The following DCAF7 variants were observed in gnomAD, a reference collection of about 807,000 sequenced individuals.
DCAF7 encodes the protein DDB1 and CUL4 associated factor 7, also known as DDB1- and CUL4-associated factor 7.
A neutral mutation model predicts 41.2 loss-of-function variants in DCAF7; 4 were observed. The observed-to-expected ratio is 0.10, with a 90% CI of 0.05 to 0.22. DCAF7 has a LOEUF of 0.22. DCAF7 is among the 10% of genes least tolerant of loss of function. The pLI is 1.00. For synonymous variants in DCAF7, 143 were observed against 164.2 expected (o/e 0.87, Z 0.99); for missense variants, 131 against 443.2 (o/e 0.30, Z 6.32).
chr17:63,581,490 T>A (rs931398032), intron 4 of DCAF7, among the ~76,000 whole-genome samples: 1 of 152,174 alleles, frequency 6.6e-6, no homozygotes, highest in Admixed American at 6.5e-5. Flanking sequence ...GGGCTGGATT[T>A]ACCTGGCAGA....
At chr17:63,564,842 G>A (rs1289719120) in intron 1 of DCAF7, among the ~76,000 whole-genome samples, 1 of 152,220 alleles carries the variant, frequency 6.6e-6, no homozygotes, top group Non-Finnish European at 1.5e-5. Flanking sequence ...GAACTCCCAC[G>A]CTCAGTATTC....
intron 1 of DCAF7, among the ~76,000 whole-genome samples, chr17:63,562,010 CAAA>C (rs374021255): frequency 2.5e-5 from 2 of 81,504 alleles, no homozygotes; most frequent in African/African-American, 4.1e-5. Flanking sequence ...TGTCAATGTC[CAAA>C]AAAAAAAAAA....
chr17:63,557,331 G>A (rs1469011486), intron 1 of DCAF7, among the ~76,000 whole-genome samples: 4 of 151,988 alleles, frequency 2.6e-5, no homozygotes, highest in Non-Finnish European at 4.4e-5. Context: ...AATTATCACA[G>A]GATTAAAAGC....
At chr17:63,565,913 C>G (rs775612196) in intron 1 of DCAF7, among the ~76,000 whole-genome samples, 1 of 151,996 alleles carries the variant, frequency 6.6e-6, no homozygotes, top group Non-Finnish European at 1.5e-5. Context: ...CCAGCCTGAT[C>G]AACATGGCGA....
chr17:63,558,945 A>G (rs993854395), intron 1 of DCAF7, among the ~76,000 whole-genome samples: 1 of 152,172 alleles, frequency 6.6e-6, no homozygotes. Flanking sequence ...TGATGTATAA[A>G]CAGAGTCTAG....
At chr17:63,565,700 G>T (rs2033432922) in intron 1 of DCAF7, among the ~76,000 whole-genome samples, 1 of 152,220 alleles carries the variant, frequency 6.6e-6, no homozygotes, top group Admixed American at 6.5e-5. Flanking sequence ...AGGATTAAAT[G>T]AGATGATGTG....
At position 63,590,845 on chromosome 17, in the gene DCAF7, T is replaced by C. The variant is rs2033727034; in HGVS notation, c.*1673T>C. 6.6e-6 allele frequency: 1 copy of C among 152,228 alleles called. No homozygotes were observed. Among genetic ancestry groups the C allele is most frequent in the Non-Finnish European group, 1.5e-5 (1 of 68,044 alleles). The allele number at this position is 152,228 out of a possible 1,614,324, so 9.4% of individuals were successfully genotyped here. The stretch of plus-strand genomic sequence containing the variant: ...GGGCCCTTAAGCTTTTTTGGTTAAG[T>C]CTTCCTTTTCAGAAGTAGATGTCAT... On this transcript the variant is annotated 3_prime_UTR_variant, in exon 7 of 7. Coordinates refer to ENST00000614556, the MANE Select transcript of DCAF7 (RefSeq NM_005828.5).
chr17:63,583,846 G>A, intron 5 of DCAF7, 135 bp downstream of exon 5: 1 of 886,520 alleles, frequency 1.1e-6, no homozygotes, highest in Admixed American at 2.1e-5. Flanking sequence ...ATTTTTGATT[G>A]TCACAGCTCT....
At chr17:63,587,536 C>T (rs138888053) in intron 6 of DCAF7, among the ~76,000 whole-genome samples, 1,945 of 152,124 alleles carry the variant, frequency 0.013, 32 homozygotes, top group African/African-American at 0.043. Context: ...CAAGTGTGCT[C>T]GGTTGAGCAT....
At chr17:63,556,216 A>G (rs1375850255) in intron 1 of DCAF7, among the ~76,000 whole-genome samples, 1 of 152,248 alleles carries the variant, frequency 6.6e-6, no homozygotes, top group African/African-American at 2.4e-5. Flanking sequence ...AGCTTATTTT[A>G]AAAATTACAT....
intron 1 of DCAF7, among the ~76,000 whole-genome samples, chr17:63,551,236 C>T (rs1453665129): frequency 1.3e-5 from 2 of 151,958 alleles, no homozygotes; most frequent in South Asian, 4.1e-4. Context: ...TATTGGTGGT[C>T]GTGCACTCCT....
chr17:63,579,670 G>A (rs1203142782), intron 3 of DCAF7, among the ~76,000 whole-genome samples, 155 bp from the exon 4 acceptor site: 1 of 152,112 alleles, frequency 6.6e-6, no homozygotes, highest in African/African-American at 2.4e-5. Context: ...CTGAAGACTT[G>A]ACTGCCTCGG....
chr17:63,570,193 C>T (rs2033490273), intron 1 of DCAF7, among the ~76,000 whole-genome samples: 1 of 152,094 alleles, frequency 6.6e-6, no homozygotes, highest in Non-Finnish European at 1.5e-5. Flanking sequence ...ATGGCTCACA[C>T]CTCTAATCCC....
In DCAF7 at chr17:63,588,932, G is replaced by A. The variant is rs947840078; in HGVS notation, c.857-68G>A. On this transcript the variant is annotated intron_variant, in intron 6 of 6. Coordinates refer to ENST00000614556, the MANE Select transcript of DCAF7 (RefSeq NM_005828.5). ...GCTTTGTAAACTGTGACTTGCTCCT[G>A]AAATGCAGGGATCATCATCCGCATT... 5 of 1,503,638 alleles carry A rather than the reference G, an allele frequency of 3.3e-6. No individual in the cohort carries two copies. The African/African-American group carries it at 5.5e-5, about 17-fold the overall frequency. The allele number at this position is 1,503,638 out of a possible 1,614,324, so 93.1% of individuals were successfully genotyped here. A position where few individuals can be genotyped will look rare whatever the true frequency, so the allele number is the denominator to read the frequency against.
chr17:63,568,044 G>A (rs2033463425), intron 1 of DCAF7, among the ~76,000 whole-genome samples: 1 of 148,258 alleles, frequency 6.7e-6, no homozygotes, highest in Non-Finnish European at 1.5e-5. Flanking sequence ...TTTTTGAGAT[G>A]GAGTCTCGCT....
chr17:63,581,323 C>G (rs1472261677), intron 4 of DCAF7, among the ~76,000 whole-genome samples: 1 of 152,170 alleles, frequency 6.6e-6, no homozygotes, highest in Non-Finnish European at 1.5e-5. Flanking sequence ...ATTTGAACTG[C>G]AGGGATTTAA....
Position 63,550,917 on chromosome 17 carries a change from C to A in DCAF7, c.138+102C>A. 6.0e-6 allele frequency: 9 copies of A among 1,490,300 alleles called. No homozygotes were observed. In the South Asian group the frequency reaches 1.1e-4, roughly 19 times the overall value. 92.3% of individuals were successfully genotyped at this position (1,490,300 alleles called of 1,614,324 possible). On this transcript the variant is annotated intron_variant, in intron 1 of 6. Coordinates refer to ENST00000614556, the MANE Select transcript of DCAF7 (RefSeq NM_005828.5). This position sits in a 1 kb window ranked among gnomAD's most constrained non-coding sequence, Gnocchi z 4.8. ...GCCTCAGAACCCTCTTGCGGACTCGCCCTAGGGCCACGGAGCGGTTCCTCT... is the reference window on the plus strand; with the variant it reads ...GCCTCAGAACCCTCTTGCGGACTCGACCTAGGGCCACGGAGCGGTTCCTCT...
intron 1 of DCAF7, among the ~76,000 whole-genome samples, chr17:63,551,883 CT>C (rs2033258711): frequency 1.5e-5 from 1 of 68,808 alleles, no homozygotes; most frequent in South Asian, 4.8e-4. Flanking sequence ...CCCGTCTCTA[CT>C]AAAATACAAA....
At position 63,590,470 on chromosome 17, in the gene DCAF7, C is replaced by G. The variant is rs1369929387; in HGVS notation, c.*1298C>G. 6.5e-6 allele frequency: 1 copy of G among 152,820 alleles called. No individual in the cohort carries two copies. The allele number at this position is 152,820 out of a possible 1,614,324, so 9.5% of individuals were successfully genotyped here. A position where few individuals can be genotyped will look rare whatever the true frequency, so the allele number is the denominator to read the frequency against. On this transcript the variant is annotated 3_prime_UTR_variant, in exon 7 of 7. Coordinates refer to ENST00000614556, the MANE Select transcript of DCAF7 (RefSeq NM_005828.5). ...GTCAGCCAGTTAAGAGCTCTACCCA[C>G]ACCTGTCAACCCCTCTCTCCCCCAG...
Sources: allele counts gnomAD v4.1 joint callset (sites outside exome capture counted in the v4.1 genomes callset), GRCh38; gene constraint gnomAD v4.1.1; non-coding constraint Gnocchi (gnomAD v3.1); transcripts MANE v1.5; gene names NCBI Gene and HGNC (gene_info 2026-07-23, HGNC 2026-07-21).